ANKRD30BL: variants seen among roughly 807,000 people sequenced by gnomAD.
ANKRD30BL encodes the protein putative ankyrin repeat domain-containing protein 30B-like.
Under a neutral mutation model 18.4 loss-of-function variants are expected in ANKRD30BL, and 20 were observed. That is an observed-to-expected ratio of 1.09 (90% confidence interval 0.77 to 1.58). ANKRD30BL has a LOEUF of 1.58. Ranked by LOEUF, ANKRD30BL falls within the 40% of genes most tolerant of loss-of-function variation. ANKRD30BL has a pLI of 0.00. For synonymous variants in ANKRD30BL, 72 were observed against 100.9 expected (o/e 0.71, Z 1.72); for missense variants, 224 against 268.6 (o/e 0.83, Z 1.16).
chr2:132,221,411 G>A (rs1679677338), intron 1 of ANKRD30BL, among the ~76,000 whole-genome samples: 1 of 137,818 alleles, frequency 7.3e-6, no homozygotes, highest in Admixed American at 6.8e-5. Context: ...CCGTCCGGGA[G>A]GGAGGTGGGG....
chr2:132,163,041 G>T (rs563162632), upstream of ANKRD30BL, among the ~76,000 whole-genome samples: 16 of 152,304 alleles, frequency 1.1e-4, no homozygotes, highest in East Asian at 3.1e-3. Context: ...TGGCAGTGGC[G>T]CTGGGTCATC....
chr2:132,178,794 AT>A (rs1688407214), intron 1 of ANKRD30BL, among the ~76,000 whole-genome samples: 4 of 152,268 alleles, frequency 2.6e-5, no homozygotes, highest in African/African-American at 9.6e-5. Flanking sequence ...CTAGAAAAAT[AT>A]TTTTCTAAGA....
rs530725299 is a variant in ANKRD30BL at position 132,154,639 on chromosome 2, T to A, written c.614+23A>T. The stretch of plus-strand genomic sequence containing the variant: ...ACTCTAGCACACTACTCAAGTGTTT[T>A]TTAATAAAAAAAACTACTATACCAT... On this transcript the variant is annotated intron_variant, in intron 4 of 5. Transcript: ENST00000409867. The A allele has an allele frequency of 7.5e-4, 467 of 619,890 alleles. 4 individuals are homozygous for A. In the African/African-American group the frequency reaches 0.01, roughly 13 times the overall value. The allele number at this position is 619,890 out of a possible 1,614,324, so 38.4% of individuals were successfully genotyped here.
chr2:132,231,752 A>G (rs1680022728), intron 1 of ANKRD30BL, among the ~76,000 whole-genome samples: 1 of 152,002 alleles, frequency 6.6e-6, no homozygotes, highest in Non-Finnish European at 1.5e-5. Context: ...GGTGGCAGCG[A>G]GGCTGGGGGA....
intron 1 of ANKRD30BL, among the ~76,000 whole-genome samples, chr2:132,157,971 A>G (rs1475148814): frequency 2.0e-5 from 3 of 152,158 alleles, no homozygotes; most frequent in African/African-American, 4.8e-5. Context: ...GAAATACTCT[A>G]TTTCTCGTAT....
At chr2:132,156,595 A>G (rs942661519) in intron 3 of ANKRD30BL, 2 of 154,508 alleles carry the variant, frequency 1.3e-5, no homozygotes, top group African/African-American at 4.8e-5. Flanking sequence ...ACAAGATTCA[A>G]TCCTTTAAGA....
intron 1 of ANKRD30BL, among the ~76,000 whole-genome samples, chr2:132,192,210 A>C (rs1678870685): frequency 6.6e-6 from 1 of 152,258 alleles, no homozygotes; most frequent in African/African-American, 2.4e-5. Context: ...AAGACAAGTC[A>C]GGGAGATAGG....
rs1480053826 is a variant in ANKRD30BL, at chr2:132,213,638, GAA to G, written n.441+43889_441+43890del. ...CTCTTTCTGTCCTACGGTGGAAAAG[GAA>G]ATACCTTCACATAAAAACTAGACAG... On this transcript the variant is annotated intron_variant and non_coding_transcript_variant, in intron 1 of 4. Transcript: ENST00000470729. 2.6e-5 allele frequency among the ~76,000 whole-genome samples: 4 copies of G among 152,316 alleles called. No individual in the cohort carries two copies. The East Asian group carries it at 7.7e-4, about 29-fold the overall frequency.
chr2:132,225,814 C>T (rs138630722), intron 1 of ANKRD30BL, among the ~76,000 whole-genome samples: 36 of 150,328 alleles, frequency 2.4e-4, no homozygotes, highest in East Asian at 6.0e-4. Context: ...TTGAGGCGTA[C>T]GGTGGAAAAG....
intron 1 of ANKRD30BL, among the ~76,000 whole-genome samples, chr2:132,226,734 T>C (rs796201639): frequency 1.3e-5 from 2 of 151,916 alleles, no homozygotes; most frequent in Non-Finnish European, 2.9e-5. Flanking sequence ...AGAAACTTCT[T>C]TGTGATGTGT....
At chr2:132,172,045 T>G (rs960444916) in intron 1 of ANKRD30BL, among the ~76,000 whole-genome samples, 2 of 152,232 alleles carry the variant, frequency 1.3e-5, no homozygotes, top group Non-Finnish European at 2.9e-5. Flanking sequence ...GTAGTGTATA[T>G]TAGAATTTCA....
At position 132,251,888 on chromosome 2, in the gene ANKRD30BL, A is replaced by G. The variant is rs564692320; in HGVS notation, n.441+5641T>C. Among the ~76,000 whole-genome samples, 13 of 152,256 alleles carry G rather than the reference A, an allele frequency of 8.5e-5. No individual in the cohort carries two copies. In the East Asian group the frequency reaches 2.5e-3, roughly 29 times the overall value. ...GAGCCTTTAATGTGACGCCTGGACC[A>G]CCCTTGTTTTGATTTTGTGTTATGG... On this transcript the variant is annotated intron_variant and non_coding_transcript_variant, in intron 1 of 4. Transcript: ENST00000470729.
chr2:132,168,958 TATG>T (rs1490673302), intron 1 of ANKRD30BL, among the ~76,000 whole-genome samples: 1 of 151,900 alleles, frequency 6.6e-6, no homozygotes, highest in Non-Finnish European at 1.5e-5. Flanking sequence ...TTCTAACAAT[TATG>T]ATATCTTTTT....
intron 1 of ANKRD30BL, among the ~76,000 whole-genome samples, chr2:132,166,962 A>T (rs1269062492): frequency 1.3e-5 from 2 of 151,770 alleles, no homozygotes; most frequent in Non-Finnish European, 2.9e-5. Flanking sequence ...ACTGTATCTC[A>T]TATATTTTAA....
chr2:132,149,875 C>T (rs936605147), intron 5 of ANKRD30BL, among the ~76,000 whole-genome samples: 12 of 152,098 alleles, frequency 7.9e-5, no homozygotes, highest in African/African-American at 2.7e-4. Flanking sequence ...ATTTCTTCCT[C>T]TTTATAAGTT....
At chr2:132,153,438 C>G (rs188097251) in intron 4 of ANKRD30BL, 12 of 432,872 alleles carry the variant, frequency 2.8e-5, no homozygotes, top group African/African-American at 2.5e-4. Flanking sequence ...ATTAATCCTT[C>G]TAACTAGTCA....
chr2:132,243,044 G>A (rs968866552), intron 1 of ANKRD30BL, among the ~76,000 whole-genome samples: 1 of 151,528 alleles, frequency 6.6e-6, no homozygotes, highest in African/African-American at 2.4e-5. Flanking sequence ...CGTTGGAAAC[G>A]GGAATATCTT....
At chr2:132,238,240 T>C (rs1433463685) in intron 1 of ANKRD30BL, among the ~76,000 whole-genome samples, 2 of 152,022 alleles carry the variant, frequency 1.3e-5, no homozygotes, top group Admixed American at 1.3e-4. Context: ...AAGACTCTTC[T>C]TATAGAATTT....
chr2:132,165,870 A>C (rs1315852074), upstream of ANKRD30BL, among the ~76,000 whole-genome samples: 1 of 152,080 alleles, frequency 6.6e-6, no homozygotes, highest in Admixed American at 6.5e-5. Flanking sequence ...AAGAAAAAAA[A>C]ACAAAAAACA....
Sources: allele counts gnomAD v4.1 joint callset (sites outside exome capture counted in the v4.1 genomes callset), GRCh38; gene constraint gnomAD v4.1.1; transcripts MANE v1.5; gene names NCBI Gene and HGNC (gene_info 2026-07-23, HGNC 2026-07-21).